Variants in CTRC observed in about 807,000 individuals in gnomAD.
CTRC encodes the protein chymotrypsin C.
CTRC carries 32 observed loss-of-function variants against 35.7 expected under a neutral mutation model. That is an observed-to-expected ratio of 0.90 (90% CI 0.68 to 1.20). The LOEUF is 1.20. Among genes scored for constraint, CTRC ranks in the 50% most tolerant of loss-of-function variants. CTRC has a pLI of 0.00. For missense variants in CTRC, 324 were observed against 361.5 expected (o/e 0.90, Z 0.84); for synonymous variants, 119 against 149.5 (o/e 0.80, Z 1.49).
chr1:15,444,799 G>T (rs1708191646), intron 6 of CTRC, 48 bp downstream of exon 6: 3 of 1,612,898 alleles, frequency 1.9e-6, no homozygotes, highest in Non-Finnish European at 2.5e-6. Flanking sequence ...GTGGCCAAGT[G>T]GATGTGGGCA....
intron 3 of CTRC, among the ~76,000 whole-genome samples, chr1:15,442,057 C>A (rs996601435): frequency 6.6e-6 from 1 of 152,110 alleles, no homozygotes; most frequent in African/African-American, 2.4e-5. Flanking sequence ...TATTTTTAAA[C>A]CCACACTGCT....
Position 15,446,748 on chromosome 1 carries a change from C to A in CTRC, c.*159C>A. Reference sequence around the variant, plus strand: ...GGAGCCAAAGAGAGACCCCACTCAGCCAGTTTCCCCCACCCTGCATTAGAC... The same window carrying A: ...GGAGCCAAAGAGAGACCCCACTCAGACAGTTTCCCCCACCCTGCATTAGAC... On this transcript the variant is annotated 3_prime_UTR_variant, in exon 8 of 8. Transcript: ENST00000375949. 1.2e-6 allele frequency: 1 copy of A among 821,636 alleles called. No individual in the cohort carries two copies. Among genetic ancestry groups the A allele is most frequent in the Non-Finnish European group, 2.1e-6 (1 of 485,456 alleles). The allele number at this position is 821,636 out of a possible 1,614,324, so 50.9% of individuals were successfully genotyped here.
chr1:15,440,226 GC>G, intron 1 of CTRC, 73 bp from the exon 2 acceptor site: 1 of 523,580 alleles, frequency 1.9e-6, no homozygotes, highest in Non-Finnish European at 3.7e-6. Context: ...TCTTCCACCT[GC>G]CCACCCTCCC....
At chr1:15,445,468 T>A (rs1708201505) in intron 6 of CTRC, 129 bp from the exon 7 acceptor site, 1 of 949,426 alleles carries the variant, frequency 1.1e-6, no homozygotes, top group African/African-American at 1.6e-5. Flanking sequence ...ATGGGCAGGC[T>A]GAGGCCAAAT....
Position 15,443,471 on chromosome 1 carries a change from A to C in CTRC, c.409A>C (p.Ile137Leu), listed in dbSNP as rs2103291436. 5.6e-6 allele frequency: 9 copies of C among 1,614,180 alleles called. No individual in the cohort carries two copies. The highest frequency in any genetic ancestry group is 7.6e-6 in the Non-Finnish European group (9 of 1,180,032). ...AGAGCATGTGGAGCTGAGTGACACC[A>C]TCCAGGTGGCCTGCCTGCCAGAGAA... The part of the protein sequence containing the change: ...LAEHVELSDT[I>L]QVACLPEKDS... The change falls in exon 5 of 8, where the codon ATC (isoleucine) becomes CTC (leucine). Residue 137 changes from isoleucine to leucine, a missense_variant. Coordinates refer to ENST00000375949, the MANE Select transcript of CTRC (RefSeq NM_007272.3).
At chr1:15,443,835 T>C (rs185129047) in intron 5 of CTRC, among the ~76,000 whole-genome samples, 2 of 152,128 alleles carry the variant, frequency 1.3e-5, no homozygotes, top group East Asian at 3.9e-4. Flanking sequence ...AAATAAACCA[T>C]TAGGGGTAGG....
rs557622458 is a variant in CTRC, at chr1:15,448,505, ATT to A, written c.*1929_*1930del. The A allele has an allele frequency of 4.2e-5, 6 of 142,780 alleles. No homozygotes were observed. The highest frequency in any genetic ancestry group is 5.1e-5 in the African/African-American group (2 of 39,048). The allele number at this position is 142,780 out of a possible 1,614,324, so 8.8% of individuals were successfully genotyped here. On this transcript the variant is annotated 3_prime_UTR_variant, in exon 8 of 8. Coordinates refer to ENST00000375949, the MANE Select transcript of CTRC (RefSeq NM_007272.3). ...AGGCGCCAGCCACCATGCCTGGCTA[ATT>A]TTTTTTTTTTTTGTATTTTTAGCAG...
chr1:15,445,251 C>T (rs910044861), intron 6 of CTRC, among the ~76,000 whole-genome samples: 5 of 152,188 alleles, frequency 3.3e-5, no homozygotes, highest in Non-Finnish European at 7.3e-5. Flanking sequence ...TCCCAGGCCT[C>T]TAGCACAGCT....
Position 15,446,776 on chromosome 1 carries a change from G to T in CTRC, c.*187G>T. On this transcript the variant is annotated 3_prime_UTR_variant, in exon 8 of 8. Coordinates refer to ENST00000375949, the MANE Select transcript of CTRC (RefSeq NM_007272.3). ...GTTTCCCCCACCCTGCATTAGACAGGTGGGGAAACAGAGGCCGGGAGAGAG... is the reference window on the plus strand; with the variant it reads ...GTTTCCCCCACCCTGCATTAGACAGTTGGGGAAACAGAGGCCGGGAGAGAG... 1.4e-6 allele frequency: 1 copy of T among 729,708 alleles called. No homozygotes were observed. The highest frequency in any genetic ancestry group is 1.5e-5 in the South Asian group (1 of 67,366). 45.2% of individuals were successfully genotyped at this position (729,708 alleles called of 1,614,324 possible).
At chr1:15,446,404 GTGGCCTGAAA>G (rs1220276667) in intron 7 of CTRC, among the ~76,000 whole-genome samples, 161 bp from the exon 8 acceptor site, 1 of 152,242 alleles carries the variant, frequency 6.6e-6, no homozygotes, top group Non-Finnish European at 1.5e-5. Flanking sequence ...CATTTGCACA[GTGGCCTGAAA>G]TGCTGAGGGC....
intron 1 of CTRC, among the ~76,000 whole-genome samples, chr1:15,439,716 G>A (rs563169690): frequency 2.6e-5 from 4 of 152,164 alleles, no homozygotes; most frequent in African/African-American, 4.8e-5. Context: ...CCGGGCACTC[G>A]CACACATGCC....
intron 6 of CTRC, 131 bp from the exon 7 acceptor site, chr1:15,445,466 G>C: frequency 1.1e-6 from 1 of 917,208 alleles, no homozygotes; most frequent in Non-Finnish European, 1.7e-6. Context: ...CCATGGGCAG[G>C]CTGAGGCCAA....
At chr1:15,443,894 T>C (rs952580521) in intron 5 of CTRC, among the ~76,000 whole-genome samples, 7 of 152,120 alleles carry the variant, frequency 4.6e-5, no homozygotes, top group African/African-American at 7.2e-5. Context: ...CCAGCTGAAT[T>C]AAAAGTTAAA....
chr1:15,448,065 T>C lies in CTRC; in HGVS notation c.*1476T>C, dbSNP rs1463498673. 1 of 152,122 alleles carries C rather than the reference T, an allele frequency of 6.6e-6. No homozygotes were observed. Among genetic ancestry groups the C allele is most frequent in the Non-Finnish European group, 1.5e-5 (1 of 68,036 alleles). The allele number at this position is 152,122 out of a possible 1,614,324, so 9.4% of individuals were successfully genotyped here. ...ATCCAGGATGGCTTCCTGGAGGTGA[T>C]GATGCCCAAGCTTGGTCTTAAAATT... is the stretch of plus-strand genomic sequence containing the variant. On this transcript the variant is annotated 3_prime_UTR_variant, in exon 8 of 8. Coordinates refer to ENST00000375949, the MANE Select transcript of CTRC (RefSeq NM_007272.3).
At chr1:15,441,859 TTTTG>T (rs769986068) in intron 3 of CTRC, among the ~76,000 whole-genome samples, 5 of 151,990 alleles carry the variant, frequency 3.3e-5, no homozygotes, top group South Asian at 2.1e-4. Flanking sequence ...TCTTCTTGTT[TTTTG>T]TTTGTTTGTT....
At chr1:15,443,809 T>C (rs181785736) in intron 5 of CTRC, among the ~76,000 whole-genome samples, 61 of 152,264 alleles carry the variant, frequency 4.0e-4, no homozygotes, top group African/African-American at 1.4e-3. Flanking sequence ...ATAGTAAGTG[T>C]CACATAAATA....
rs1414667099 is a variant in CTRC, at chr1:15,444,763, G to A, written c.639+12G>A. On this transcript the variant is annotated intron_variant, in intron 6 of 7. Transcript: ENST00000375949. Reference sequence around the variant, plus strand: ...TCTCAGCCTGCAATGTGAGTGGCTAGGTTCTGCACCTTGTCCCTACTCCAA... The same window carrying A: ...TCTCAGCCTGCAATGTGAGTGGCTAAGTTCTGCACCTTGTCCCTACTCCAA... The A allele has an allele frequency of 6.2e-7, 1 of 1,614,162 alleles. No homozygotes were observed.
chr1:15,442,011 G>A (rs555326917), intron 3 of CTRC, among the ~76,000 whole-genome samples: 4 of 152,188 alleles, frequency 2.6e-5, no homozygotes, highest in East Asian at 1.9e-4. Flanking sequence ...CAACGTGCTG[G>A]GATTACAGGC....
In CTRC at chr1:15,441,562, G is replaced by A. The variant is rs1034000819; in HGVS notation, c.231-885G>A. Among the ~76,000 whole-genome samples, 31 of 152,044 alleles carry A rather than the reference G, an allele frequency of 2.0e-4. 1 individual carries two copies. The highest frequency in any genetic ancestry group is 1.5e-4 in the Non-Finnish European group (10 of 68,012). On this transcript the variant is annotated intron_variant, in intron 3 of 7. Transcript: ENST00000375949. ...TGGCTTTGACCCTGAGTAAGATGGA[G>A]CTATTGGAAGGGTTTCTGAGCAAAG...
Sources: allele counts gnomAD v4.1 joint callset (sites outside exome capture counted in the v4.1 genomes callset), GRCh38; gene constraint gnomAD v4.1.1; transcripts MANE v1.5; gene names NCBI Gene and HGNC (gene_info 2026-07-23, HGNC 2026-07-21).